The following HOPX variants were observed in gnomAD, a reference collection of about 807,000 sequenced individuals.
HOPX encodes homeodomain-only protein.
HOPX carries 5 observed loss-of-function variants against 11.8 expected under a neutral mutation model. The ratio of observed to expected loss-of-function variants is 0.43; its 90% CI spans 0.22 to 0.89. The LOEUF (loss-of-function observed/expected upper bound fraction) is 0.89, where lower values mean the gene tolerates loss of function less well. HOPX is among the 40% of genes least tolerant of loss of function. The probability of loss-of-function intolerance (pLI) is 0.28; values close to 1 mark genes in which losing one functional copy is unlikely to be tolerated. For synonymous variants in HOPX, 49 were observed against 49.7 expected, an observed-to-expected ratio of 0.99 and a Z score of 0.06; for missense variants, 119 against 120.0, an observed-to-expected ratio of 0.99 and a Z score of 0.04.
intron 1 of HOPX, among the ~76,000 whole-genome samples, chr4:56,677,660 G>T (rs758527432): frequency 2.0e-5 from 3 of 151,546 alleles, no homozygotes; most frequent in Non-Finnish European, 2.9e-5. Context: ...AGCCGGTGAG[G>T]CTCTGTGGTC....
At chr4:56,674,180 G>T (rs186633352) in intron 1 of HOPX, among the ~76,000 whole-genome samples, 1 of 151,744 alleles carries the variant, frequency 6.6e-6, no homozygotes, top group Non-Finnish European at 1.5e-5. Context: ...CATCTCCAAA[G>T]ATGCTAGTCT....
At chr4:56,650,534 A>G in intron 3 of HOPX, 1 of 737,100 alleles carries the variant, frequency 1.4e-6, no homozygotes. Context: ...GTTGAGCTTG[A>G]ATGGGGGTAA....
At chr4:56,655,317 C>A (rs952916992) in intron 3 of HOPX, among the ~76,000 whole-genome samples, 1 of 152,160 alleles carries the variant, frequency 6.6e-6, no homozygotes, top group African/African-American at 2.4e-5. Flanking sequence ...GAGCATGCTT[C>A]ACCGCTCCTG....
intron 2 of HOPX, chr4:56,656,561 G>T: frequency 1.3e-6 from 1 of 761,374 alleles, no homozygotes; most frequent in Non-Finnish European, 1.6e-6. Context: ...TCCAGGCAGG[G>T]CTGCACACCC....
chr4:56,671,348 C>T (rs554852272), intron 1 of HOPX, among the ~76,000 whole-genome samples: 2 of 152,166 alleles, frequency 1.3e-5, no homozygotes, highest in African/African-American at 4.8e-5. Context: ...GCAGACAGAA[C>T]TTCCTCAGGT....
chr4:56,656,454 C>G, intron 2 of HOPX: 1 of 985,696 alleles, frequency 1.0e-6, no homozygotes, highest in Non-Finnish European at 1.2e-6. Context: ...TGACAGATCG[C>G]GAGGGTGGGT....
chr4:56,676,192 A>C (rs1719009328), intron 1 of HOPX, among the ~76,000 whole-genome samples: 1 of 151,500 alleles, frequency 6.6e-6, no homozygotes, highest in Non-Finnish European at 1.5e-5. Flanking sequence ...CAACTACTCT[A>C]GAGGCTGAGG....
rs1245883260 is a variant in HOPX at position 56,653,858 on chromosome 4, G to A, written c.198+1999C>T. Among the ~76,000 whole-genome samples, 20 of 152,200 alleles carry A rather than the reference G, an allele frequency of 1.3e-4. 1 individual carries two copies. Among genetic ancestry groups the A allele is most frequent in the Admixed American group, 1.3e-3 (20 of 15,284 alleles). ...CAGAGGTCTGAATTGGCTGACCTCA[G>A]TCACAGAAAAAAAGCAGGTGCCCTT... On this transcript the variant is annotated intron_variant, in intron 3 of 3. Coordinates refer to ENST00000420433, the MANE Select transcript of HOPX (RefSeq NM_032495.6).
At chr4:56,667,177 T>C (rs1316696887) in intron 1 of HOPX, among the ~76,000 whole-genome samples, 1 of 152,216 alleles carries the variant, frequency 6.6e-6, no homozygotes, top group African/African-American at 2.4e-5. Context: ...GTTGATTGAA[T>C]TTCATCTTCC....
chr4:56,662,975 A>C (rs1718231937), intron 1 of HOPX: 1 of 152,162 alleles, frequency 6.6e-6, no homozygotes, highest in African/African-American at 2.4e-5. Context: ...TTACTTGGCT[A>C]CTGGGGTGAC....
At chr4:56,657,664 G>A (rs372105901) in intron 2 of HOPX, 111 bp downstream of exon 2, 6 of 715,022 alleles carry the variant, frequency 8.4e-6, no homozygotes, top group Admixed American at 2.0e-5. Context: ...CTGTCACGGT[G>A]CTAGGCAGGA....
chr4:56,659,115 A>G (rs1286556984), intron 1 of HOPX: 3 of 152,334 alleles, frequency 2.0e-5, no homozygotes, highest in African/African-American at 7.2e-5. Context: ...CAAATTTGTC[A>G]TCTTATCCTC....
intron 1 of HOPX, chr4:56,679,478 CTT>C (rs71194117): frequency 3.5e-5 from 5 of 144,032 alleles, no homozygotes; most frequent in South Asian, 2.2e-4. Flanking sequence ...TTCTTTCTTT[CTT>C]TTTTTTTTTT....
intron 1 of HOPX, among the ~76,000 whole-genome samples, chr4:56,667,289 T>C (rs1051136456): frequency 6.6e-6 from 1 of 152,240 alleles, no homozygotes; most frequent in Non-Finnish European, 1.5e-5. Flanking sequence ...ATTTGCCTCA[T>C]TTCTTGGTGT....
At chr4:56,672,068 TG>T (rs946796954) in intron 1 of HOPX, among the ~76,000 whole-genome samples, 1 of 152,066 alleles carries the variant, frequency 6.6e-6, no homozygotes, top group Non-Finnish European at 1.5e-5. Flanking sequence ...AGGATATAAT[TG>T]GGCAACAAAA....
chr4:56,667,744 T>A (rs947330893), intron 1 of HOPX, among the ~76,000 whole-genome samples: 2 of 152,172 alleles, frequency 1.3e-5, no homozygotes, highest in African/African-American at 4.8e-5. Flanking sequence ...TTTCCTTTCC[T>A]CCAGCATCCT....
intron 1 of HOPX, among the ~76,000 whole-genome samples, chr4:56,668,067 G>T (rs190984933): frequency 2.0e-5 from 3 of 152,230 alleles, no homozygotes; most frequent in Admixed American, 2.0e-4. Context: ...TGGGACTGCA[G>T]GCGCCCACCA....
rs1258968385 is a variant in HOPX at position 56,648,425 on chromosome 4, G to C, written c.*295C>G. On this transcript the variant is annotated 3_prime_UTR_variant, in exon 4 of 4. Coordinates refer to ENST00000420433, the MANE Select transcript of HOPX (RefSeq NM_032495.6). ...TGCTACTGGGAGGTGATGGTCAAAA[G>C]CAAACTTAGATGGTTTTCACACCAT... is the stretch of plus-strand genomic sequence containing the variant. The C allele has an allele frequency of 3.4e-6, 1 of 296,150 alleles. No homozygotes were observed. Among genetic ancestry groups the C allele is most frequent in the South Asian group, 1.6e-4 (1 of 6,224 alleles). The allele number at this position is 296,150 out of a possible 1,614,324, so 18.3% of individuals were successfully genotyped here. A position where few individuals can be genotyped will look rare whatever the true frequency, so the allele number is the denominator to read the frequency against.
intron 3 of HOPX, chr4:56,649,394 T>C (rs1716937525): frequency 6.6e-6 from 1 of 152,272 alleles, no homozygotes; most frequent in African/African-American, 2.4e-5. Flanking sequence ...TTCATCAATG[T>C]ATGCTCAGCT....
Sources: allele counts gnomAD v4.1 joint callset (sites outside exome capture counted in the v4.1 genomes callset), GRCh38; gene constraint gnomAD v4.1.1; transcripts MANE v1.5; gene names NCBI Gene and HGNC (gene_info 2026-07-23, HGNC 2026-07-21).